The following PEAK1 variants were observed in gnomAD, a reference collection of about 807,000 sequenced individuals.
PEAK1 encodes the protein inactive tyrosine-protein kinase PEAK1.
A neutral mutation model predicts 124.7 loss-of-function variants in PEAK1; 54 were observed. That is an observed-to-expected ratio of 0.43 (90% CI 0.35 to 0.54). PEAK1 has a LOEUF of 0.54. Ranked by LOEUF, PEAK1 falls within the 20% of genes least tolerant of loss-of-function variation. The probability of loss-of-function intolerance (pLI) is 0.01; values close to 1 mark genes in which losing one functional copy is unlikely to be tolerated. For missense variants in PEAK1, 2,046 were observed against 2,134.5 expected, an observed-to-expected ratio of 0.96 and a Z score of 0.82; for synonymous variants, 719 against 760.0, an observed-to-expected ratio of 0.95 and a Z score of 0.89.
chr15:77,251,832 A>G (rs2060897669), intron 6 of PEAK1, among the ~76,000 whole-genome samples: 1 of 152,198 alleles, frequency 6.6e-6, no homozygotes, highest in Non-Finnish European at 1.5e-5. Context: ...CTTTCCCTAG[A>G]AATTTCTGCA....
At chr15:77,404,137 A>C (rs887293134) in intron 1 of PEAK1, 1 of 985,118 alleles carries the variant, frequency 1.0e-6, no homozygotes, top group African/African-American at 1.7e-5. Context: ...CACTTGTGTG[A>C]CATGAAGGTC....
intron 6 of PEAK1, among the ~76,000 whole-genome samples, chr15:77,203,608 C>T (rs1207549306): frequency 1.3e-5 from 2 of 151,296 alleles, no homozygotes; most frequent in Non-Finnish European, 2.9e-5. Flanking sequence ...ACAGATAGAC[C>T]AGAAACAGAT....
intron 2 of PEAK1, among the ~76,000 whole-genome samples, chr15:77,344,759 G>A (rs927266969): frequency 6.6e-6 from 1 of 152,054 alleles, no homozygotes; most frequent in Non-Finnish European, 1.5e-5. Flanking sequence ...TCAGTGTTCA[G>A]GTCTTCCACC....
chr15:77,316,974 A>T (rs2064919973), intron 2 of PEAK1, among the ~76,000 whole-genome samples: 1 of 152,058 alleles, frequency 6.6e-6, no homozygotes, highest in African/African-American at 2.4e-5. Flanking sequence ...CCAGCTACTT[A>T]GGAGGCTGAG....
At chr15:77,345,813 T>C (rs965930633) in intron 2 of PEAK1, 4 of 680,966 alleles carry the variant, frequency 5.9e-6, no homozygotes, top group Non-Finnish European at 5.4e-6. Flanking sequence ...GATTTGATCT[T>C]TACACATTGT....
intron 2 of PEAK1, chr15:77,352,485 T>G: frequency 9.1e-6 from 9 of 985,340 alleles, no homozygotes; most frequent in Non-Finnish European, 1.1e-5. Flanking sequence ...ATGGGGGCTA[T>G]GGAGAGAGCC....
At chr15:77,205,801 T>C (rs1278626445) in intron 6 of PEAK1, among the ~76,000 whole-genome samples, 1 of 151,882 alleles carries the variant, frequency 6.6e-6, no homozygotes, top group Non-Finnish European at 1.5e-5. Flanking sequence ...GGGAAGTCAC[T>C]GGAATAACTT....
At chr15:77,260,084 A>G (rs1363420119) in intron 5 of PEAK1, among the ~76,000 whole-genome samples, 1 of 152,234 alleles carries the variant, frequency 6.6e-6, no homozygotes, top group Non-Finnish European at 1.5e-5. Flanking sequence ...CAGAGCTGAC[A>G]TAGGACCAAG....
At chr15:77,140,307 C>CTAA (rs35958775) in intron 8 of PEAK1, among the ~76,000 whole-genome samples, 99,603 of 151,518 alleles carry the variant, frequency 0.66, 33,653 homozygotes, top group Non-Finnish European at 0.76. Flanking sequence ...AAACTAGAGA[C>CTAA]TGTCTTTTAT....
chr15:77,274,122 C>G (rs2152957687), intron 5 of PEAK1, among the ~76,000 whole-genome samples: 1 of 152,108 alleles, frequency 6.6e-6, no homozygotes, highest in South Asian at 2.1e-4. Context: ...TACAAAAATC[C>G]ACTCGAAATG....
chr15:77,275,575 G>A (rs983114797), intron 5 of PEAK1, among the ~76,000 whole-genome samples: 1 of 152,102 alleles, frequency 6.6e-6, no homozygotes, highest in Non-Finnish European at 1.5e-5. Context: ...AATTAGATGG[G>A]TGTGATGGTG....
At chr15:77,250,259 T>A (rs1227186116) in intron 6 of PEAK1, among the ~76,000 whole-genome samples, 2 of 141,014 alleles carry the variant, frequency 1.4e-5, no homozygotes, top group African/African-American at 5.6e-5. Flanking sequence ...ATATATATAT[T>A]TTTTTTTGAC....
chr15:77,242,493 C>T (rs1364057548), intron 6 of PEAK1, among the ~76,000 whole-genome samples: 3 of 152,042 alleles, frequency 2.0e-5, no homozygotes, highest in Non-Finnish European at 4.4e-5. Flanking sequence ...AAGTGCATGT[C>T]TTTGAGGAAA....
intron 6 of PEAK1, among the ~76,000 whole-genome samples, chr15:77,234,143 A>G (rs917423821): frequency 3.9e-5 from 6 of 152,226 alleles, no homozygotes; most frequent in Admixed American, 1.3e-4. Flanking sequence ...TTGAGATTAC[A>G]GGCATGAGCC....
chr15:77,117,709 T>A (rs1362323768), intron 9 of PEAK1, among the ~76,000 whole-genome samples: 1 of 152,084 alleles, frequency 6.6e-6, no homozygotes, highest in Non-Finnish European at 1.5e-5. Context: ...TATGTTAGAA[T>A]CCAAGACAGG....
intron 2 of PEAK1, among the ~76,000 whole-genome samples, chr15:77,360,867 C>T (rs1260900581): frequency 6.6e-6 from 1 of 151,778 alleles, no homozygotes; most frequent in African/African-American, 2.4e-5. Flanking sequence ...TACCTCTCAC[C>T]CTATACAAAA....
intron 1 of PEAK1, chr15:77,402,828 A>G (rs1567357360): frequency 5.3e-6 from 5 of 949,348 alleles, no homozygotes; most frequent in Non-Finnish European, 6.3e-6. Context: ...ATGTTGTATG[A>G]AAAAAAAAAT....
chr15:77,344,392 C>A (rs772654795), intron 2 of PEAK1, among the ~76,000 whole-genome samples: 14 of 152,190 alleles, frequency 9.2e-5, no homozygotes, highest in Non-Finnish European at 1.8e-4. Flanking sequence ...CCACGCCTGG[C>A]CGGCTGTCTG....
At chr15:77,255,348 C>T in intron 5 of PEAK1, 1 of 977,020 alleles carries the variant, frequency 1.0e-6, no homozygotes, top group Non-Finnish European at 1.2e-6. Context: ...GGTTCTGACT[C>T]TCCATTTATT....
Sources: allele counts gnomAD v4.1 joint callset (sites outside exome capture counted in the v4.1 genomes callset), GRCh38; gene constraint gnomAD v4.1.1; transcripts MANE v1.5; gene names NCBI Gene and HGNC (gene_info 2026-07-23, HGNC 2026-07-21).